EHD1: variants seen among roughly 807,000 people sequenced by gnomAD.
EHD1 encodes the protein EH domain-containing protein 1.
EHD1 carries 19 observed loss-of-function variants against 39.0 expected under a neutral mutation model. The observed-to-expected ratio is 0.49, with a 90% CI of 0.34 to 0.72. The LOEUF (loss-of-function observed/expected upper bound fraction) is 0.72, where lower values mean the gene tolerates loss of function less well. Among genes scored for constraint, EHD1 ranks in the 30% least tolerant of loss-of-function variants. The pLI, the probability that EHD1 is intolerant of heterozygous loss-of-function variation, is 0.01. For synonymous variants in EHD1, 323 were observed against 331.2 expected, an observed-to-expected ratio of 0.98 and a Z score of 0.27; for missense variants, 542 against 751.5, an observed-to-expected ratio of 0.72 and a Z score of 3.26.
At chr11:64,860,557 A>G (rs1187369266) in intron 2 of EHD1, among the ~76,000 whole-genome samples, 9 of 141,810 alleles carry the variant, frequency 6.3e-5, no homozygotes, top group African/African-American at 1.6e-4. Context: ...ACATAGTGAA[A>G]CCCTGTCTCC....
At position 64,878,282 on chromosome 11, in the gene EHD1, C is replaced by T. The variant is rs1385019763; in HGVS notation, c.183G>A (p.Val61=). 3.7e-6 allele frequency: 6 copies of T among 1,614,098 alleles called. No individual in the cohort carries two copies. The South Asian group carries it at 6.6e-5, about 18-fold the overall frequency. Residue 61 remains valine, a synonymous_variant, in exon 1 of 5, where the codon GTG becomes GTA. Coordinates refer to ENST00000320631, the MANE Select transcript of EHD1 (RefSeq NM_006795.4). ...CCGTGCTGTACTGCCCCACGAGGAGCACCATAGGCTTGTTGTCGAAGTCAG... is the reference window on the plus strand; with the variant it reads ...CCGTGCTGTACTGCCCCACGAGGAGTACCATAGGCTTGTTGTCGAAGTCAG... ...EDADFDNKPM[V]LLVGQYSTGK... is the part of the protein sequence containing the mutation.
At position 64,860,205 on chromosome 11, in the gene EHD1, C is replaced by T. The variant is rs752061690; in HGVS notation, c.634G>A (p.Asp212Asn). ...TTGTTCAGCACCACGCGGATCTTGT[C>T]CTCATGGTTCTTCAGAGCCTTGATC... ...EVIKALKNHE[D>N]KIRVVLNKAD... Residue 212 changes from aspartate to asparagine, a missense_variant, in exon 3 of 5, where the codon GAC becomes AAC. Asp to Asn is a conservative substitution (Grantham distance 23). Coordinates refer to ENST00000320631, the MANE Select transcript of EHD1 (RefSeq NM_006795.4). The T allele has an allele frequency of 1.2e-6, 2 of 1,614,158 alleles. No homozygotes were observed. The highest frequency in any genetic ancestry group is 3.3e-5 in the Admixed American group (2 of 60,022).
At chr11:64,866,581 A>C (rs1486710788) in intron 2 of EHD1, among the ~76,000 whole-genome samples, 1 of 151,498 alleles carries the variant, frequency 6.6e-6, no homozygotes, top group African/African-American at 2.4e-5. Flanking sequence ...TGGGACACTG[A>C]GGTAAGAGGA....
intron 1 of EHD1, 193 bp downstream of exon 1, chr11:64,877,868 C>T (rs1285972792): frequency 4.2e-6 from 2 of 475,928 alleles, no homozygotes; most frequent in East Asian, 3.5e-5. Context: ...GAGCCGACAA[C>T]GCCCACTCTT....
At position 64,859,144 on chromosome 11, in the gene EHD1, G is replaced by A. The variant is rs147143940; in HGVS notation, c.915+780C>T. On this transcript the variant is annotated intron_variant, in intron 3 of 4. Transcript: ENST00000320631. ...TAACTGATGTTTATTTTTTGTTTGC[G>A]TGCTCTGCTTTCCCCATGAAGGCTG... Among the ~76,000 whole-genome samples, 58 of 152,232 alleles carry A rather than the reference G, an allele frequency of 3.8e-4. 1 individual carries two copies. Among genetic ancestry groups the A allele is most frequent in the Non-Finnish European group, 5.4e-4 (37 of 68,016 alleles).
chr11:64,854,180 C>T lies in EHD1; in HGVS notation c.*153G>A, dbSNP rs566884714. ...CTGCCTCCCCCGCCAGGCCCAGGAA[C>T]AGCCTTAAAAGAAAGATGGTGGTTT... On this transcript the variant is annotated 3_prime_UTR_variant, in exon 5 of 5. Transcript: ENST00000320631. 3.3e-4 allele frequency: 442 copies of T among 1,320,122 alleles called. 6 individuals are homozygous for T. In the South Asian group the frequency reaches 5.3e-3, roughly 16 times the overall value. 81.8% of individuals were successfully genotyped at this position (1,320,122 alleles called of 1,614,324 possible). A position where few individuals can be genotyped will look rare whatever the true frequency, so the allele number is the denominator to read the frequency against.
chr11:64,857,153 G>A (rs566757665), intron 3 of EHD1, among the ~76,000 whole-genome samples: 9 of 152,332 alleles, frequency 5.9e-5, no homozygotes, highest in East Asian at 3.9e-4. Flanking sequence ...AGCCGGGCGC[G>A]GTGGCTCACG....
chr11:64,873,896 C>T lies in EHD1; in HGVS notation c.502+525G>A, dbSNP rs568966488. Among the ~76,000 whole-genome samples the T allele has an allele frequency of 1.7e-3, 262 of 151,462 alleles. 1 individual carries two copies. The highest frequency in any genetic ancestry group is 2.4e-3 in the Non-Finnish European group (165 of 67,800). On this transcript the variant is annotated intron_variant, in intron 2 of 4. Coordinates refer to ENST00000320631, the MANE Select transcript of EHD1 (RefSeq NM_006795.4). ...GTTTCACTGTGTTAGCCAGGATGGTCTCAATCTCCTGACCTCGTGATCCGC... is the reference window on the plus strand; with the variant it reads ...GTTTCACTGTGTTAGCCAGGATGGTTTCAATCTCCTGACCTCGTGATCCGC...
At position 64,855,442 on chromosome 11, in the gene EHD1, A is replaced by G. The variant is rs1280255734; in HGVS notation, c.960T>C (p.Asn320=). ...TCTTTTTGCTCTCTTTACCAAAGAC[A>G]TTGGGCATCTCTTTCTTGAGGGAGC... The part of the protein sequence containing the change: ...IISSLKKEMP[N]VFGKESKKKE... Residue 320 remains asparagine (N), a synonymous_variant, in exon 4 of 5, where the codon AAT becomes AAC. Coordinates refer to ENST00000320631, the MANE Select transcript of EHD1 (RefSeq NM_006795.4). The G allele has an allele frequency of 6.2e-7, 1 of 1,614,040 alleles. No individual in the cohort carries two copies. Among genetic ancestry groups the G allele is most frequent in the Non-Finnish European group, 8.5e-7 (1 of 1,180,000 alleles).
At chr11:64,874,122 A>G (rs1292753536) in intron 2 of EHD1, among the ~76,000 whole-genome samples, 3 of 150,610 alleles carry the variant, frequency 2.0e-5, no homozygotes, top group Non-Finnish European at 4.4e-5. Flanking sequence ...TGGCCAATAT[A>G]GTGAAACCCC....
chr11:64,861,963 A>G (rs2136483802), intron 2 of EHD1, among the ~76,000 whole-genome samples: 1 of 152,300 alleles, frequency 6.6e-6, no homozygotes, highest in South Asian at 2.1e-4. Context: ...GCTGGAGTGC[A>G]GTGGCACAAT....
At chr11:64,867,523 A>T (rs1433634097) in intron 2 of EHD1, among the ~76,000 whole-genome samples, 1 of 152,050 alleles carries the variant, frequency 6.6e-6, no homozygotes, top group Non-Finnish European at 1.5e-5. Context: ...GTTCGAGACC[A>T]GCCTGGTCAA....
intron 3 of EHD1, chr11:64,856,071 GAT>G: frequency 6.4e-6 from 1 of 157,116 alleles, no homozygotes; most frequent in East Asian, 1.9e-4. Context: ...TGCGGGGTGG[GAT>G]TCTCCCAACC....
chr11:64,860,357 A>G (rs774571412), intron 2 of EHD1, 21 bp from the exon 3 acceptor site: 3 of 1,596,096 alleles, frequency 1.9e-6, no homozygotes, highest in Non-Finnish European at 2.6e-6. Flanking sequence ...GAGAAGGGAG[A>G]GCTCAGGGGC....
intron 3 of EHD1, 179 bp downstream of exon 3, chr11:64,859,745 G>C: frequency 2.3e-6 from 2 of 855,586 alleles, no homozygotes; most frequent in Non-Finnish European, 3.5e-6. Context: ...TTAGTTAAGA[G>C]CAGGCTGCAC....
rs1943795005 is a variant in EHD1, at chr11:64,868,721, G to C, written c.502+5700C>G. Among the ~76,000 whole-genome samples the C allele has an allele frequency of 6.6e-6, 1 of 152,260 alleles. No individual in the cohort carries two copies. The highest frequency in any genetic ancestry group is 2.1e-4 in the South Asian group (1 of 4,832). On this transcript the variant is annotated intron_variant, in intron 2 of 4. Coordinates refer to ENST00000320631, the MANE Select transcript of EHD1 (RefSeq NM_006795.4). The surrounding 1 kb of genome is among the most constrained non-coding windows in gnomAD (Gnocchi z 4.2). ...GGGAATACTCTCTGTCATGGTGGCGGCAGCCCAGGAATGCTTTGTACAGCA... is the reference window on the plus strand; with the variant it reads ...GGGAATACTCTCTGTCATGGTGGCGCCAGCCCAGGAATGCTTTGTACAGCA...
In EHD1 at chr11:64,878,195, G is replaced by T; in HGVS notation, c.270C>A (p.Pro90=). The T allele has an allele frequency of 6.2e-7, 1 of 1,611,462 alleles. No individual in the cohort carries two copies. Among genetic ancestry groups the T allele is most frequent in the Non-Finnish European group, 8.5e-7 (1 of 1,177,988 alleles). The change falls in exon 1 of 5, where the codon CCC becomes CCA. Residue 90 remains proline, a synonymous_variant. Coordinates refer to ENST00000320631, the MANE Select transcript of EHD1 (RefSeq NM_006795.4). ...EQDFPGMRIG[P]EPTTDSFIAV... is the part of the protein sequence containing the mutation. ...CGATGAAGGAGTCGGTGGTGGGCTC[G>T]GGCCCGATGCGCATCCCCGGGAAGT... is the stretch of plus-strand genomic sequence containing the variant.
chr11:64,869,198 C>T (rs572572598), intron 2 of EHD1, among the ~76,000 whole-genome samples: 5 of 152,368 alleles, frequency 3.3e-5, no homozygotes, highest in South Asian at 2.1e-4. Flanking sequence ...ACCGCCAGTG[C>T]GCAGCCTGGG....
At position 64,860,289 on chromosome 11, in the gene EHD1, G is replaced by A. The variant is rs144337563; in HGVS notation, c.550C>T (p.Arg184Cys). 2.0e-5 allele frequency: 32 copies of A among 1,613,774 alleles called. No homozygotes were observed. The highest frequency in any genetic ancestry group is 1.8e-4 in the South Asian group (16 of 91,086). The stretch of plus-strand genomic sequence containing the variant: ...TGGGCGTCGAAGAGCAGGATGATGC[G>A]GTCCACACGCTCCGCGAACCACTCC... ...VLEWFAERVD[R>C]IILLFDAHKL... The change falls in exon 3 of 5, where the codon CGC becomes TGC. Residue 184 changes from arginine to cysteine, a missense_variant. By Grantham distance (180) the Arg-to-Cys change is radical. Coordinates refer to ENST00000320631, the MANE Select transcript of EHD1 (RefSeq NM_006795.4).
Sources: gnomAD v4.1 joint callset for allele counts (sites outside exome capture counted in the v4.1 genomes callset) on GRCh38, gnomAD v4.1.1 for gene constraint, Gnocchi (gnomAD v3.1) non-coding constraint, MANE v1.5 for transcripts, NCBI Gene and HGNC (gene_info 2026-07-23, HGNC 2026-07-21) for gene names.